Variants in AGTPBP1 observed in about 807,000 individuals in gnomAD.
AGTPBP1 encodes cytosolic carboxypeptidase 1.
In AGTPBP1, 70 loss-of-function variants were observed where a neutral mutation model predicts 143.9. That is an observed-to-expected ratio of 0.49 (90% CI 0.40 to 0.59). The LOEUF (loss-of-function observed/expected upper bound fraction) is 0.59, where lower values mean the gene tolerates loss of function less well. AGTPBP1 is among the 20% of genes least tolerant of loss of function. AGTPBP1 has a pLI of 0.00. For missense variants in AGTPBP1, 1,229 were observed against 1,464.5 expected, an observed-to-expected ratio of 0.84 and a Z score of 2.62; for synonymous variants, 463 against 500.2, an observed-to-expected ratio of 0.93 and a Z score of 0.99.
At chr9:85,726,222 T>G (rs567293109) in intron 1 of AGTPBP1, among the ~76,000 whole-genome samples, 99 of 137,094 alleles carry the variant, frequency 7.2e-4, no homozygotes, top group Middle Eastern at 3.9e-3. Flanking sequence ...AGAACAAGAC[T>G]CTGTCTCAAA....
At position 85,589,643 on chromosome 9, in the gene AGTPBP1, C is replaced by T; in HGVS notation, c.2607G>A (p.Gln869=). 1 of 1,612,844 alleles carries T rather than the reference C, an allele frequency of 6.2e-7. No individual in the cohort carries two copies. The highest frequency in any genetic ancestry group is 1.1e-5 in the South Asian group (1 of 90,834). ...LQKLESAHNP[Q]QIYFRKDVLC... ...ACACATCTTTCCGAAAATAGATTTGCTGAGGATTGTGTGCTGATTCCAATT... is the reference window on the plus strand; with the variant it reads ...ACACATCTTTCCGAAAATAGATTTGTTGAGGATTGTGTGCTGATTCCAATT... The change falls in exon 20 of 26, where the codon CAG becomes CAA. Residue 869 remains glutamine, a synonymous_variant. Transcript: ENST00000357081.
At chr9:85,772,772 A>C in the AGTPBP1 span, among the ~76,000 whole-genome samples, 1 of 152,158 alleles carries the variant, frequency 6.6e-6, no homozygotes, top group East Asian at 1.9e-4. Context: ...CAACAACAAC[A>C]AAACAACCAA....
chr9:85,548,935 A>T (rs1051363919), intron 25 of AGTPBP1, among the ~76,000 whole-genome samples: 1 of 152,134 alleles, frequency 6.6e-6, no homozygotes, highest in Non-Finnish European at 1.5e-5. Context: ...TTGGCCTCCC[A>T]AAGTGCTGGG....
At position 85,585,477 on chromosome 9, in the gene AGTPBP1, C is replaced by A; in HGVS notation, c.3151G>T (p.Asp1051Tyr). The A allele has an allele frequency of 6.2e-7, 1 of 1,602,574 alleles. No homozygotes were observed. The highest frequency in any genetic ancestry group is 8.5e-7 in the Non-Finnish European group (1 of 1,175,520). ...GTAATAATTACCCTGTATCCCGTATCCTCCACAACATCACATGAAGTTGCA... is the reference window on the plus strand; with the variant it reads ...GTAATAATTACCCTGTATCCCGTATACTCCACAACATCACATGAAGTTGCA... ...DNATSCDVVEDTGYRTLPKIL... is the reference protein window; with the variant it reads ...DNATSCDVVEYTGYRTLPKIL... The change falls in exon 23 of 26, where the codon GAT becomes TAT. Residue 1051 changes from aspartate to tyrosine, a missense_variant. Asp to Tyr is a radical substitution (Grantham distance 160). Coordinates refer to ENST00000357081, the MANE Select transcript of AGTPBP1 (RefSeq NM_001330701.2).
intron 1 of AGTPBP1, among the ~76,000 whole-genome samples, chr9:85,715,913 TCTC>T (rs1837674295): frequency 6.6e-6 from 1 of 152,162 alleles, no homozygotes; most frequent in African/African-American, 2.4e-5. Flanking sequence ...TTAGGTATAA[TCTC>T]CTCTTTCCTC....
chr9:85,655,816 AG>A (rs932650972), intron 10 of AGTPBP1, among the ~76,000 whole-genome samples: 22 of 151,990 alleles, frequency 1.4e-4, no homozygotes, highest in Non-Finnish European at 3.2e-4. Flanking sequence ...CACAATATAA[AG>A]GTTTTTTTGT....
the AGTPBP1 span, among the ~76,000 whole-genome samples, chr9:85,801,292 AC>A: frequency 2.0e-5 from 3 of 152,208 alleles, no homozygotes; most frequent in Admixed American, 6.5e-5. Context: ...GGCCTGGTTG[AC>A]AGAGCAAGAC....
chr9:85,608,673 G>C (rs1830130356), intron 17 of AGTPBP1, among the ~76,000 whole-genome samples: 1 of 151,790 alleles, frequency 6.6e-6, no homozygotes, highest in Admixed American at 6.6e-5. Flanking sequence ...TATAATATAA[G>C]ATGATATAAG....
intron 13 of AGTPBP1, among the ~76,000 whole-genome samples, chr9:85,636,696 T>G (rs1473287201): frequency 6.6e-6 from 1 of 151,598 alleles, no homozygotes; most frequent in Admixed American, 6.6e-5. Flanking sequence ...TTAAAAGACA[T>G]GAAAGGGAGT....
intron 14 of AGTPBP1, among the ~76,000 whole-genome samples, chr9:85,628,542 C>T (rs1049063654): frequency 2.0e-5 from 3 of 152,186 alleles, no homozygotes; most frequent in Non-Finnish European, 2.9e-5. Context: ...CCATCAAGGT[C>T]GTGAAAATCA....
At chr9:85,642,432 T>G (rs571904249) in intron 13 of AGTPBP1, among the ~76,000 whole-genome samples, 2 of 151,626 alleles carry the variant, frequency 1.3e-5, no homozygotes, top group Non-Finnish European at 1.5e-5. Flanking sequence ...AGGTTCAAGC[T>G]ATTCCCCTGC....
the AGTPBP1 span, among the ~76,000 whole-genome samples, chr9:85,791,178 G>A: frequency 6.6e-6 from 1 of 152,076 alleles, no homozygotes; most frequent in East Asian, 1.9e-4. Flanking sequence ...AGGAGTTCAA[G>A]ACCAGCCTGG....
intron 1 of AGTPBP1, among the ~76,000 whole-genome samples, chr9:85,740,730 T>C (rs953323897): frequency 2.6e-5 from 4 of 152,350 alleles, no homozygotes; most frequent in Middle Eastern, 3.4e-3. Flanking sequence ...TTAAGAAGAC[T>C]GTTAAGGTCC....
At chr9:85,612,368 C>T (rs1437693115) in intron 17 of AGTPBP1, among the ~76,000 whole-genome samples, 1 of 152,018 alleles carries the variant, frequency 6.6e-6, no homozygotes, top group African/African-American at 2.4e-5. Flanking sequence ...CTCCAAAACA[C>T]GGGATTCAGA....
chr9:85,622,272 T>C (rs990789342), intron 14 of AGTPBP1, among the ~76,000 whole-genome samples: 6 of 152,168 alleles, frequency 3.9e-5, no homozygotes, highest in African/African-American at 1.4e-4. Context: ...ACCAAAATAG[T>C]TTATAACAAA....
intron 1 of AGTPBP1, among the ~76,000 whole-genome samples, chr9:85,718,317 C>T (rs1837854840): frequency 6.6e-6 from 1 of 152,162 alleles, no homozygotes; most frequent in African/African-American, 2.4e-5. Context: ...TCTCCACATC[C>T]TCTCCAGTAT....
intron 25 of AGTPBP1, among the ~76,000 whole-genome samples, chr9:85,558,189 A>C (rs939588804): frequency 3.3e-5 from 5 of 152,250 alleles, no homozygotes; most frequent in African/African-American, 1.2e-4. Context: ...ATGCTACAAT[A>C]TGGATGAACC....
chr9:85,683,790 C>T (rs956554135), intron 3 of AGTPBP1, among the ~76,000 whole-genome samples: 1 of 152,142 alleles, frequency 6.6e-6, no homozygotes, highest in African/African-American at 2.4e-5. Flanking sequence ...CCATAACCTC[C>T]TAACATTTCT....
intron 11 of AGTPBP1, among the ~76,000 whole-genome samples, chr9:85,649,481 T>C (rs10868335): frequency 0.083 from 12,676 of 152,186 alleles, 744 homozygotes; most frequent in African/African-American, 0.16. Flanking sequence ...TACAATTGAT[T>C]TGCTTGGATT....
Sources: allele counts gnomAD v4.1 joint callset (sites outside exome capture counted in the v4.1 genomes callset), GRCh38; gene constraint gnomAD v4.1.1; transcripts MANE v1.5; gene names NCBI Gene and HGNC (gene_info 2026-07-23, HGNC 2026-07-21).